Variants in SND1 observed in about 807,000 individuals in gnomAD.
SND1 encodes the protein staphylococcal nuclease domain-containing protein 1.
Under a neutral mutation model 121.7 loss-of-function variants are expected in SND1, and 38 were observed. The observed-to-expected ratio is 0.31, with a 90% confidence interval of 0.24 to 0.41. SND1 has a LOEUF of 0.41. Among genes scored for constraint, SND1 ranks in the 10% least tolerant of loss-of-function variants. The pLI, the probability that SND1 is intolerant of heterozygous loss-of-function variation, is 1.00. For missense variants in SND1, 868 were observed against 1,184.6 expected (o/e 0.73, Z 3.92); for synonymous variants, 401 against 447.4 (o/e 0.90, Z 1.31).
chr7:127,716,120 A>G (rs1471458106), intron 9 of SND1, among the ~76,000 whole-genome samples: 6 of 152,180 alleles, frequency 3.9e-5, no homozygotes, highest in South Asian at 4.1e-4. Flanking sequence ...GTAGCTTTGT[A>G]GTAAGCTTTG....
chr7:128,066,657 C>T (rs746452476), intron 16 of SND1, among the ~76,000 whole-genome samples: 2 of 152,202 alleles, frequency 1.3e-5, no homozygotes, highest in African/African-American at 2.4e-5. Flanking sequence ...TGAAAGAAGT[C>T]GGTGTGGCTG....
intron 14 of SND1, among the ~76,000 whole-genome samples, chr7:127,920,666 T>C (rs1399902671): frequency 6.6e-6 from 1 of 152,104 alleles, no homozygotes; most frequent in East Asian, 1.9e-4. Context: ...GCAGCCCTCA[T>C]CACCTGGCAC....
chr7:127,662,777 C>T (rs1330086047), intron 1 of SND1, among the ~76,000 whole-genome samples: 1 of 152,104 alleles, frequency 6.6e-6, no homozygotes, highest in Non-Finnish European at 1.5e-5. Context: ...TTACTGTTGT[C>T]CCTTGGTATT....
intron 9 of SND1, chr7:127,718,879 C>A: frequency 2.4e-6 from 1 of 414,206 alleles, no homozygotes; most frequent in Non-Finnish European, 3.2e-6. Flanking sequence ...TTTGGGAATT[C>A]ACAACAAGAA....
In SND1 at chr7:128,030,758, G is replaced by A; in HGVS notation, c.1779+39702G>A. 2.3e-6 allele frequency: 3 copies of A among 1,310,950 alleles called. 1 individual carries two copies. The Middle Eastern group carries it at 6.3e-4, about 273-fold the overall frequency. 81.2% of individuals were successfully genotyped at this position (1,310,950 alleles called of 1,614,324 possible). On this transcript the variant is annotated intron_variant, in intron 16 of 23. Coordinates refer to ENST00000354725, the MANE Select transcript of SND1 (RefSeq NM_014390.4). ...CTTTCCATCTGGAGAAGGAGGTGGG[G>A]AGGGGGCGATTAGAGAGACGGAGCG...
intron 15 of SND1, among the ~76,000 whole-genome samples, chr7:127,979,366 G>GTTC (rs1802204030): frequency 2.0e-5 from 3 of 152,224 alleles, no homozygotes; most frequent in African/African-American, 7.2e-5. Context: ...ACGAGGGAGG[G>GTTC]GAAGGGGCAG....
intron 16 of SND1, among the ~76,000 whole-genome samples, chr7:127,995,128 T>G (rs1467801814): frequency 6.6e-6 from 1 of 152,226 alleles, no homozygotes; most frequent in Non-Finnish European, 1.5e-5. Flanking sequence ...GCCTAAACTA[T>G]TTACGATCTG....
chr7:127,830,855 A>G (rs1031405734), intron 11 of SND1, among the ~76,000 whole-genome samples: 4 of 152,148 alleles, frequency 2.6e-5, no homozygotes, highest in African/African-American at 4.8e-5. Context: ...AACAAGCCCT[A>G]TATTTATTTT....
chr7:128,070,140 G>C (rs529234459), intron 16 of SND1, among the ~76,000 whole-genome samples: 1 of 152,306 alleles, frequency 6.6e-6, no homozygotes, highest in South Asian at 2.1e-4. Context: ...AAGCCTCTAG[G>C]CTGTTCGCTT....
At chr7:127,837,905 T>C (rs1798894919) in intron 11 of SND1, among the ~76,000 whole-genome samples, 2 of 152,212 alleles carry the variant, frequency 1.3e-5, no homozygotes, top group South Asian at 4.1e-4. Flanking sequence ...AATTTTTACT[T>C]CTATAGAAGG....
chr7:127,895,364 C>T (rs745551377), intron 13 of SND1, among the ~76,000 whole-genome samples: 21 of 152,098 alleles, frequency 1.4e-4, no homozygotes, highest in African/African-American at 2.2e-4. Flanking sequence ...CGGTGCCTTA[C>T]GACTGCCCTC....
intron 13 of SND1, among the ~76,000 whole-genome samples, chr7:127,902,323 C>T (rs1216407547): frequency 6.6e-6 from 1 of 152,204 alleles, no homozygotes; most frequent in Non-Finnish European, 1.5e-5. Context: ...TTTAGTGCCC[C>T]ATAGGACCTG....
chr7:127,876,836 C>T (rs556091715), intron 12 of SND1, among the ~76,000 whole-genome samples: 8 of 152,052 alleles, frequency 5.3e-5, no homozygotes, highest in African/African-American at 7.2e-5. Flanking sequence ...GGGACATTAC[C>T]GCATGTTCTG....
At chr7:127,848,275 T>A (rs1469069473) in intron 12 of SND1, among the ~76,000 whole-genome samples, 3 of 152,252 alleles carry the variant, frequency 2.0e-5, no homozygotes, top group Non-Finnish European at 4.4e-5. Context: ...ACACTCTTTG[T>A]GTGCTTGTAT....
At chr7:127,828,014 T>C (rs1279050424) in intron 11 of SND1, among the ~76,000 whole-genome samples, 1 of 152,204 alleles carries the variant, frequency 6.6e-6, no homozygotes, top group Non-Finnish European at 1.5e-5. Context: ...TTTTTTTGTT[T>C]GTTTGAGGCA....
intron 13 of SND1, among the ~76,000 whole-genome samples, chr7:127,896,656 A>G (rs1563051187): frequency 6.6e-6 from 1 of 152,134 alleles, no homozygotes; most frequent in Non-Finnish European, 1.5e-5. Flanking sequence ...AGTCGTGGTT[A>G]TAAGTAACAG....
At chr7:127,867,051 TCTATC>T (rs765855277) in intron 12 of SND1, among the ~76,000 whole-genome samples, 20 of 152,214 alleles carry the variant, frequency 1.3e-4, no homozygotes, top group Non-Finnish European at 2.5e-4. Context: ...CCTTCAGTCT[TCTATC>T]CTATTATATC....
At chr7:127,997,775 A>G (rs202065897) in intron 16 of SND1, 2 of 534,762 alleles carry the variant, frequency 3.7e-6, no homozygotes, top group Non-Finnish European at 7.7e-6. Context: ...CATATATACC[A>G]TTACATTTTG....
chr7:127,935,027 T>G (rs1801031375), intron 15 of SND1, among the ~76,000 whole-genome samples: 1 of 152,142 alleles, frequency 6.6e-6, no homozygotes, highest in Admixed American at 6.5e-5. Flanking sequence ...TGTCAGAGTT[T>G]ACATAAAACA....
Sources: allele counts gnomAD v4.1 joint callset (sites outside exome capture counted in the v4.1 genomes callset), GRCh38; gene constraint gnomAD v4.1.1; transcripts MANE v1.5; gene names NCBI Gene and HGNC (gene_info 2026-07-23, HGNC 2026-07-21).